TRPM6: variants seen among roughly 807,000 people sequenced by gnomAD.
The protein encoded by TRPM6 is transient receptor potential cation channel subfamily M member 6.
Under a neutral mutation model 247.6 loss-of-function variants are expected in TRPM6, and 111 were observed. The observed-to-expected ratio is 0.45, with a 90% CI of 0.38 to 0.52. TRPM6 has a LOEUF of 0.52. Among genes scored for constraint, TRPM6 ranks in the 20% least tolerant of loss-of-function variants. The pLI is 0.00. For synonymous variants in TRPM6, 892 were observed against 853.8 expected, an observed-to-expected ratio of 1.04 and a Z score of -0.78; for missense variants, 2,126 against 2,421.5, an observed-to-expected ratio of 0.88 and a Z score of 2.56.
At chr9:74,777,829 G>A (rs1255093541) in intron 23 of TRPM6, among the ~76,000 whole-genome samples, 5 of 152,088 alleles carry the variant, frequency 3.3e-5, no homozygotes, top group Non-Finnish European at 7.3e-5. Flanking sequence ...TTCCCCCACA[G>A]TATGAAAAAT....
intron 38 of TRPM6, 110 bp from the exon 39 acceptor site, chr9:74,724,856 C>CACATA: frequency 7.2e-7 from 1 of 1,394,840 alleles, no homozygotes; most frequent in Non-Finnish European, 1.0e-6. Context: ...TCTCCTCTTC[C>CACATA]TCAGACCATA....
intron 31 of TRPM6, among the ~76,000 whole-genome samples, chr9:74,747,666 A>T (rs1018672380): frequency 1.1e-4 from 17 of 152,238 alleles, no homozygotes; most frequent in African/African-American, 3.6e-4. Context: ...GAGAAATAAC[A>T]GTCAGAAACA....
chr9:74,763,979 T>A (rs1348767255), intron 25 of TRPM6, among the ~76,000 whole-genome samples: 1 of 152,016 alleles, frequency 6.6e-6, no homozygotes, highest in East Asian at 1.9e-4. Flanking sequence ...TGAAATCCCA[T>A]CTCTACTAAA....
Position 74,750,671 on chromosome 9 carries a change from T to A in TRPM6, c.5050A>T (p.Asn1684Tyr), listed in dbSNP as rs1826214047. The part of the protein sequence containing the change: ...WNSRSTNLNR[N>Y]SLLKSSIGVD... ...ACATTTAGAAATACTCACAGGGAGT[T>A]CCTATTGAGGTTGGTGCTCCTGGAA... is the stretch of plus-strand genomic sequence containing the variant. The change falls in exon 30 of 39, where the codon AAC becomes TAC. Residue 1684 changes from asparagine (N) to tyrosine (Y), a missense_variant. Physicochemically the swap from Asn to Tyr is moderately radical, Grantham distance 143. This residue lies in a region of TRPM6 where 717 missense variants were observed against 715.9 expected (regional missense o/e 1.00). Transcript: ENST00000360774. The A allele has an allele frequency of 6.2e-7, 1 of 1,613,774 alleles. No homozygotes were observed. The highest frequency in any genetic ancestry group is 2.2e-5 in the East Asian group (1 of 44,858).
rs201635529 is a variant in TRPM6 at position 74,747,930 on chromosome 9, A to T, written c.5058-16T>A. On this transcript the variant is annotated splice_polypyrimidine_tract_variant and intron_variant, in intron 30 of 38. Transcript: ENST00000360774. Reference sequence around the variant, plus strand: ...ACTTTTCAGCCTGTTTGAAAAAAAAATGAAGTTGTTTAGATAATGCTGCCT... The same window carrying T: ...ACTTTTCAGCCTGTTTGAAAAAAAATTGAAGTTGTTTAGATAATGCTGCCT... 118 of 1,611,338 alleles carry T rather than the reference A, an allele frequency of 7.3e-5. No individual in the cohort carries two copies. The highest frequency in any genetic ancestry group is 8.7e-5 in the Non-Finnish European group (102 of 1,178,496).
At chr9:74,769,186 C>T (rs929367032) in intron 25 of TRPM6, among the ~76,000 whole-genome samples, 3 of 152,190 alleles carry the variant, frequency 2.0e-5, no homozygotes, top group Non-Finnish European at 4.4e-5. Context: ...CATTCTCTTG[C>T]CCAGGCTGGA....
At chr9:74,787,151 A>G (rs1013357364) in intron 20 of TRPM6, among the ~76,000 whole-genome samples, 2 of 152,292 alleles carry the variant, frequency 1.3e-5, no homozygotes, top group South Asian at 2.1e-4. Context: ...CCTGGCCAAC[A>G]TGGTGAAACC....
chr9:74,762,148 T>G lies in TRPM6; in HGVS notation c.4523A>C (p.Gln1508Pro), dbSNP rs943416454. 1.9e-6 allele frequency: 3 copies of G among 1,614,094 alleles called. No individual in the cohort carries two copies. The highest frequency in any genetic ancestry group is 2.5e-6 in the Non-Finnish European group (3 of 1,180,028). ...TCCCACCTCTGAGCATTCACTACTC[T>G]GGGCCGATCTTGTTGAGTTATCAGA... ...SLSDNSTRSA[Q>P]SSECSEVGPW... is the part of the protein sequence containing the mutation. Residue 1508 changes from glutamine (Q) to proline (P), a missense_variant, in exon 26 of 39, where the codon CAG becomes CCG. Gln to Pro is a moderately conservative substitution (Grantham distance 76). Coordinates refer to ENST00000360774, the MANE Select transcript of TRPM6 (RefSeq NM_017662.5).
chr9:74,822,618 T>C (rs1391071149), intron 7 of TRPM6, among the ~76,000 whole-genome samples: 2 of 152,176 alleles, frequency 1.3e-5, no homozygotes, highest in Non-Finnish European at 2.9e-5. Flanking sequence ...TCAAAGACTT[T>C]TGCATTGCCA....
In TRPM6 at chr9:74,724,683, AT is replaced by A. The variant is rs747862562; in HGVS notation, c.5998del (p.Ile2000Ter). ...INSTFGLEIK[I>X]ESAEEPPARE... is the part of the protein sequence containing the mutation. ...TGCTGGAGGCTCCTCAGCTGATTCT[AT>A]TTTTATCTCAAGTCCAAAGGTGGAA... On this transcript the variant is annotated frameshift_variant, in exon 39 of 39. Coordinates refer to ENST00000360774, the MANE Select transcript of TRPM6 (RefSeq NM_017662.5). LOFTEE classifies it low-confidence loss of function (END_TRUNC). 1.2e-6 allele frequency: 2 copies of A among 1,614,066 alleles called. No individual in the cohort carries two copies. Among genetic ancestry groups the A allele is most frequent in the South Asian group, 2.2e-5 (2 of 91,082 alleles).
intron 3 of TRPM6, among the ~76,000 whole-genome samples, chr9:74,843,828 A>G (rs1016930609): frequency 6.6e-6 from 1 of 151,958 alleles, no homozygotes; most frequent in Non-Finnish European, 1.5e-5. Flanking sequence ...AAAAAAAAAA[A>G]AAAAAGAGTT....
chr9:74,755,045 T>C lies in TRPM6; in HGVS notation c.4906+308A>G, dbSNP rs116475125. On this transcript the variant is annotated intron_variant, in intron 28 of 38. Coordinates refer to ENST00000360774, the MANE Select transcript of TRPM6 (RefSeq NM_017662.5). ...GAATTTATAAAATTAGACAATCCCC[T>C]ATCCATAAATCAGACTAAATGAATG... Among the ~76,000 whole-genome samples, 147 of 152,328 alleles carry C rather than the reference T, an allele frequency of 9.7e-4. 1 individual carries two copies. Among genetic ancestry groups the C allele is most frequent in the African/African-American group, 3.2e-3 (132 of 41,582 alleles).
intron 3 of TRPM6, among the ~76,000 whole-genome samples, chr9:74,854,654 A>G (rs1314275569): frequency 6.6e-6 from 1 of 151,766 alleles, no homozygotes; most frequent in African/African-American, 2.4e-5. Flanking sequence ...GAGGGTTCCA[A>G]TTTTTTATTT....
At position 74,840,072 on chromosome 9, in the gene TRPM6, C is replaced by T. The variant is rs762014661; in HGVS notation, c.496G>A (p.Ala166Thr). 2 of 1,614,136 alleles carry T rather than the reference C, an allele frequency of 1.2e-6. No homozygotes were observed. Among genetic ancestry groups the T allele is most frequent in the East Asian group, 2.2e-5 (1 of 44,866 alleles). ...ATCCACGCTCCTGTTGTCTCTGCAGCTTTAACCAAACCTTGGCTGAAAATC... is the reference window on the plus strand; with the variant it reads ...ATCCACGCTCCTGTTGTCTCTGCAGTTTTAACCAAACCTTGGCTGAAAATC... ...KEIFSQGLVK[A>T]AETTGAWIIT... Residue 166 changes from alanine to threonine, a missense_variant, in exon 5 of 39, where the codon GCT (alanine) becomes ACT (threonine). Ala to Thr is a moderately conservative substitution (Grantham distance 58). Transcript: ENST00000360774.
At chr9:74,791,089 A>G (rs2151423) in intron 19 of TRPM6, among the ~76,000 whole-genome samples, 76,698 of 152,092 alleles carry the variant, frequency 0.5, 19,614 homozygotes, top group East Asian at 0.6. Flanking sequence ...AAGCTCCTGA[A>G]CTAGAAATTT....
At chr9:74,824,692 A>G (rs1782818773) in intron 7 of TRPM6, among the ~76,000 whole-genome samples, 1 of 152,194 alleles carries the variant, frequency 6.6e-6, no homozygotes. Context: ...AAAAGTTCCT[A>G]GAACAGACAT....
chr9:74,763,619 AAC>A (rs1379031058), intron 25 of TRPM6, among the ~76,000 whole-genome samples: 1 of 152,202 alleles, frequency 6.6e-6, no homozygotes, highest in Non-Finnish European at 1.5e-5. Context: ...AAAGAAAAAA[AAC>A]ACAGATCTTT....
intron 3 of TRPM6, among the ~76,000 whole-genome samples, chr9:74,850,806 C>T (rs1247223233): frequency 2.0e-5 from 3 of 152,100 alleles, no homozygotes; most frequent in Non-Finnish European, 4.4e-5. Flanking sequence ...TAAAGGGAGG[C>T]ACAGTAATCC....
chr9:74,727,028 C>T (rs144888852), intron 38 of TRPM6, among the ~76,000 whole-genome samples: 19 of 152,264 alleles, frequency 1.2e-4, no homozygotes, highest in African/African-American at 4.1e-4. Flanking sequence ...CCACCCCTGG[C>T]TGACCACTAT....
Sources: allele counts gnomAD v4.1 joint callset (sites outside exome capture counted in the v4.1 genomes callset), GRCh38; gene constraint gnomAD v4.1.1; regional missense constraint gnomAD v4.1.1; transcripts MANE v1.5; gene names NCBI Gene and HGNC (gene_info 2026-07-23, HGNC 2026-07-21).